FBXW4: variants seen among roughly 807,000 people sequenced by gnomAD.
The protein encoded by FBXW4 is F-box and WD repeat domain containing 4, also known as F-box/WD repeat-containing protein 4.
Under a neutral mutation model 61.8 loss-of-function variants are expected in FBXW4, and 40 were observed. The observed-to-expected ratio is 0.65, with a 90% CI of 0.50 to 0.84. The LOEUF is 0.84. FBXW4 is among the 40% of genes least tolerant of loss of function. The pLI is 0.00. For missense variants in FBXW4, 672 were observed against 753.8 expected, an observed-to-expected ratio of 0.89 and a Z score of 1.27; for synonymous variants, 311 against 313.8, an observed-to-expected ratio of 0.99 and a Z score of 0.10.
chr10:101,694,664 C>T lies in FBXW4; in HGVS notation c.442G>A (p.Asp148Asn), dbSNP rs1333681759. ...AQGRGGQAWA[D>N]IAGTGVAMAA... The stretch of plus-strand genomic sequence containing the variant: ...ATGGCCACCCCTGTCCCCGCGATGT[C>T]GGCCCAAGCCTGACCCCCTCGTCCC... Residue 148 changes from aspartate to asparagine, a missense_variant, in exon 1 of 9, where the codon GAC (aspartate) becomes AAC (asparagine). Asp to Asn is a conservative substitution (Grantham distance 23). This residue lies in a region of FBXW4 where 311 missense variants were observed against 301.1 expected (regional missense o/e 1.03). Transcript: ENST00000331272. The surrounding 1 kb of genome is among the most constrained non-coding windows in gnomAD (Gnocchi z 6.0). 1.4e-6 allele frequency: 2 copies of T among 1,402,436 alleles called. No homozygotes were observed. The highest frequency in any genetic ancestry group is 1.8e-6 in the Non-Finnish European group (2 of 1,087,946). The allele number at this position is 1,402,436 out of a possible 1,614,324, so 86.9% of individuals were successfully genotyped here.
In FBXW4 at chr10:101,611,884, G is replaced by C. The variant is rs763361856; in HGVS notation, c.1443-115C>G. On this transcript the variant is annotated intron_variant, in intron 7 of 8. Coordinates refer to ENST00000331272, the MANE Select transcript of FBXW4 (RefSeq NM_022039.4). The surrounding 1 kb of genome is among the most constrained non-coding windows in gnomAD (Gnocchi z 4.9). ...GTTAAGGAGCCATTCCGGGATGGAAGAGAAAGAAGCCTAAATCATCAGATT... is the reference window on the plus strand; with the variant it reads ...GTTAAGGAGCCATTCCGGGATGGAACAGAAAGAAGCCTAAATCATCAGATT... 3.2e-6 allele frequency: 4 copies of C among 1,246,840 alleles called. No individual in the cohort carries two copies. The highest frequency in any genetic ancestry group is 4.3e-6 in the Non-Finnish European group (4 of 921,404). The allele number at this position is 1,246,840 out of a possible 1,614,324, so 77.2% of individuals were successfully genotyped here. A position where few individuals can be genotyped will look rare whatever the true frequency, so the allele number is the denominator to read the frequency against.
At chr10:101,647,506 A>C (rs141354974) in intron 5 of FBXW4, among the ~76,000 whole-genome samples, 55 of 152,076 alleles carry the variant, frequency 3.6e-4, no homozygotes, top group African/African-American at 1.3e-3. Context: ...CACCACACCA[A>C]CACTTGCTTT....
chr10:101,673,733 C>T (rs540325782), intron 2 of FBXW4, 60 bp from the exon 3 acceptor site: 1 of 1,523,380 alleles, frequency 6.6e-7, no homozygotes. Context: ...AACTCAACTC[C>T]AATCTTTGAA....
chr10:101,694,455 G>A lies in FBXW4; in HGVS notation c.651C>T (p.Thr217=), dbSNP rs578233191. ...TCCGGCGCCAGAGCAGATCGCAGCT[G>A]GTGAAGCGCCGCAGCCAGCGGCACA... ...AQVCRWLRRF[T]SCDLLWRRIA... The change falls in exon 1 of 9, where the codon ACC becomes ACT. Residue 217 remains threonine, a synonymous_variant. Coordinates refer to ENST00000331272, the MANE Select transcript of FBXW4 (RefSeq NM_022039.4). The surrounding 1 kb of genome is among the most constrained non-coding windows in gnomAD (Gnocchi z 6.0). 9.6e-5 allele frequency: 148 copies of A among 1,535,508 alleles called. No individual in the cohort carries two copies. The African/African-American group carries it at 1.7e-3, about 17-fold the overall frequency.
intron 1 of FBXW4, among the ~76,000 whole-genome samples, chr10:101,689,956 A>C (rs1440948259): frequency 6.6e-6 from 1 of 152,204 alleles, no homozygotes; most frequent in East Asian, 1.9e-4. Flanking sequence ...ATTCCAGGCA[A>C]ATCTATCATA....
intron 5 of FBXW4, among the ~76,000 whole-genome samples, chr10:101,638,497 A>AG (rs887735596): frequency 1.3e-5 from 2 of 152,078 alleles, no homozygotes; most frequent in African/African-American, 4.8e-5. Context: ...GCAAAAAAAA[A>AG]AAAAAAAGAG....
rs912339880 is a variant in FBXW4 at position 101,695,075 on chromosome 10, C to T, written c.31G>A (p.Gly11Arg). The change falls in exon 1 of 9, where the codon GGG (glycine) becomes AGG (arginine). Residue 11 changes from glycine (G) to arginine (R), a missense_variant. By Grantham distance (125) the Gly-to-Arg change is moderately radical. This residue lies in a region of FBXW4 where 38 missense variants were observed against 43.3 expected (regional missense o/e 0.88). Transcript: ENST00000331272. This position sits in a 1 kb window ranked among gnomAD's most constrained non-coding sequence, Gnocchi z 4.2. MGSQGRSGPP[G>R]NGGPGEGEGG... is the part of the protein sequence containing the mutation. ...TCGCCCTCGCCGGGCCCGCCGTTCC[C>T]GGGGGGCCCCGAGCGGCCCTGGCTG... is the stretch of plus-strand genomic sequence containing the variant. 2 of 987,002 alleles carry T rather than the reference C, an allele frequency of 2.0e-6. No individual in the cohort carries two copies. The highest frequency in any genetic ancestry group is 4.7e-5 in the South Asian group (1 of 21,310). 61.1% of individuals were successfully genotyped at this position (987,002 alleles called of 1,614,324 possible).
At chr10:101,624,319 C>G (rs1238572366) in intron 6 of FBXW4, among the ~76,000 whole-genome samples, 3 of 149,612 alleles carry the variant, frequency 2.0e-5, no homozygotes, top group African/African-American at 7.4e-5. Context: ...GGGAATATGT[C>G]AAGCCTGCCA....
chr10:101,658,737 A>G (rs924464727), intron 5 of FBXW4, among the ~76,000 whole-genome samples: 1 of 151,994 alleles, frequency 6.6e-6, no homozygotes, highest in Non-Finnish European at 1.5e-5. Context: ...ATCCAGCCAC[A>G]ACCTCATTAT....
intron 6 of FBXW4, chr10:101,622,776 A>G (rs2134814546): frequency 6.6e-6 from 1 of 151,700 alleles, no homozygotes; most frequent in South Asian, 2.1e-4. Context: ...GGGGGTAGAT[A>G]TTTGCAAATC....
chr10:101,615,584 G>A (rs1242870052), intron 6 of FBXW4, among the ~76,000 whole-genome samples: 1 of 152,028 alleles, frequency 6.6e-6, no homozygotes, highest in African/African-American at 2.4e-5. Context: ...CAAGCAGAGT[G>A]CGGCCACACC....
chr10:101,635,842 GAAAAAAA>G (rs764437277), intron 5 of FBXW4, among the ~76,000 whole-genome samples: 1 of 121,084 alleles, frequency 8.3e-6, no homozygotes, highest in African/African-American at 3.1e-5. Context: ...CCCGGTCTCA[GAAAAAAA>G]AAAAAAAAGA....
chr10:101,665,550 G>A (rs980686237), intron 5 of FBXW4, among the ~76,000 whole-genome samples: 2 of 152,160 alleles, frequency 1.3e-5, no homozygotes, highest in Non-Finnish European at 2.9e-5. Context: ...CTTAGCAGAG[G>A]GTCTGGCACA....
chr10:101,634,841 A>G (rs919773155), intron 5 of FBXW4, among the ~76,000 whole-genome samples: 1 of 149,574 alleles, frequency 6.7e-6, no homozygotes, highest in African/African-American at 2.5e-5. Flanking sequence ...CATTCTTAAG[A>G]TAAACACAAA....
At chr10:101,663,122 C>T (rs540936410) in intron 5 of FBXW4, among the ~76,000 whole-genome samples, 50 of 152,312 alleles carry the variant, frequency 3.3e-4, no homozygotes, top group African/African-American at 1.1e-3. Context: ...TCTTCTGCCC[C>T]ATTCCACATG....
chr10:101,667,458 C>A (rs1380398715), intron 5 of FBXW4, among the ~76,000 whole-genome samples: 1 of 152,082 alleles, frequency 6.6e-6, no homozygotes, highest in Non-Finnish European at 1.5e-5. Context: ...GTAAGGGATA[C>A]TCCAGAGGAC....
intron 5 of FBXW4, among the ~76,000 whole-genome samples, chr10:101,645,411 T>C (rs371197433): frequency 6.6e-6 from 1 of 152,348 alleles, no homozygotes; most frequent in South Asian, 2.1e-4. Flanking sequence ...TCTTCCCATC[T>C]TCCTGTGCCC....
intron 1 of FBXW4, among the ~76,000 whole-genome samples, chr10:101,682,116 A>G (rs896314068): frequency 6.6e-6 from 1 of 152,230 alleles, no homozygotes; most frequent in Non-Finnish European, 1.5e-5. Context: ...TAGGTAGTAG[A>G]TAATATCCAT....
chr10:101,638,524 G>T, intron 5 of FBXW4, among the ~76,000 whole-genome samples: 1 of 151,242 alleles, frequency 6.6e-6, no homozygotes, highest in Admixed American at 6.6e-5. Flanking sequence ...AACGGGAGGG[G>T]ACACAGGTCA....
Sources: gnomAD v4.1 joint callset for allele counts (sites outside exome capture counted in the v4.1 genomes callset) on GRCh38, gnomAD v4.1.1 for gene constraint, gnomAD v4.1.1 regional missense constraint, Gnocchi (gnomAD v3.1) non-coding constraint, MANE v1.5 for transcripts, NCBI Gene and HGNC (gene_info 2026-07-23, HGNC 2026-07-21) for gene names.